Variants in ATRNL1 observed in about 807,000 individuals in gnomAD.
ATRNL1 encodes attractin-like protein 1.
A neutral mutation model predicts 182.7 loss-of-function variants in ATRNL1; 95 were observed. That is an observed-to-expected ratio of 0.52 (90% confidence interval 0.44 to 0.62). The LOEUF (loss-of-function observed/expected upper bound fraction) is 0.62, where lower values mean the gene tolerates loss of function less well. Ranked by LOEUF, ATRNL1 falls within the 20% of genes least tolerant of loss-of-function variation. The pLI is 0.00. For synonymous variants in ATRNL1, 576 were observed against 568.3 expected, an observed-to-expected ratio of 1.01 and a Z score of -0.19; for missense variants, 1,471 against 1,679.5, an observed-to-expected ratio of 0.88 and a Z score of 2.17.
intron 26 of ATRNL1, among the ~76,000 whole-genome samples, chr10:115,670,109 T>C (rs1555040938): frequency 5.3e-5 from 8 of 152,114 alleles, no homozygotes; most frequent in Non-Finnish European, 1.2e-4. Flanking sequence ...ATCTGTTTCT[T>C]ACTTGCTTTT....
intron 27 of ATRNL1, among the ~76,000 whole-genome samples, chr10:115,828,794 G>T (rs77603688): frequency 1.3e-5 from 2 of 152,094 alleles, no homozygotes; most frequent in African/African-American, 4.8e-5. Context: ...TAGTCTGTGC[G>T]AGTAGTGAAA....
intron 26 of ATRNL1, among the ~76,000 whole-genome samples, chr10:115,700,001 G>A (rs1946681273): frequency 6.6e-6 from 1 of 152,126 alleles, no homozygotes; most frequent in African/African-American, 2.4e-5. Context: ...CATCCATGTT[G>A]CTGCAAAGGA....
At chr10:115,521,667 A>T (rs1370496952) in intron 25 of ATRNL1, among the ~76,000 whole-genome samples, 1 of 152,200 alleles carries the variant, frequency 6.6e-6, no homozygotes, top group Non-Finnish European at 1.5e-5. Context: ...CTTAGAGATG[A>T]TCCTATTTAT....
chr10:115,561,206 A>G (rs782270326), intron 26 of ATRNL1, among the ~76,000 whole-genome samples: 3 of 152,146 alleles, frequency 2.0e-5, no homozygotes, highest in African/African-American at 7.2e-5. Context: ...TGAAAATACA[A>G]CCTCCAGAAT....
intron 27 of ATRNL1, among the ~76,000 whole-genome samples, chr10:115,789,005 A>G (rs2134206721): frequency 6.6e-6 from 1 of 152,340 alleles, no homozygotes; most frequent in East Asian, 1.9e-4. Context: ...GTGTTATCAC[A>G]CACGTTATAA....
rs551186071 is a variant in ATRNL1, at chr10:115,484,429, A to G, written c.3654+15100A>G. Among the ~76,000 whole-genome samples the G allele has an allele frequency of 3.3e-5, 5 of 151,788 alleles. No individual in the cohort carries two copies. The East Asian group carries it at 9.7e-4, about 29-fold the overall frequency. ...TATATATCAAATGCAGTGGCAGAATATTTAATTTATCTTAAATAAATTAAA... is the reference window on the plus strand; with the variant it reads ...TATATATCAAATGCAGTGGCAGAATGTTTAATTTATCTTAAATAAATTAAA... On this transcript the variant is annotated intron_variant, in intron 24 of 28. Transcript: ENST00000355044.
chr10:115,396,650 T>A (rs1057385832), intron 20 of ATRNL1, among the ~76,000 whole-genome samples: 3 of 151,942 alleles, frequency 2.0e-5, no homozygotes, highest in Admixed American at 6.6e-5. Flanking sequence ...GTGGCAGTAT[T>A]ACAGATAAAA....
intron 26 of ATRNL1, among the ~76,000 whole-genome samples, chr10:115,569,288 C>G (rs1411610213): frequency 6.6e-6 from 1 of 152,056 alleles, no homozygotes; most frequent in African/African-American, 2.4e-5. Flanking sequence ...TATAAACAGA[C>G]TCTTGATGTT....
intron 26 of ATRNL1, among the ~76,000 whole-genome samples, chr10:115,682,798 T>G (rs1183328012): frequency 6.6e-6 from 1 of 152,080 alleles, no homozygotes; most frequent in Non-Finnish European, 1.5e-5. Context: ...TGCTAGCTCT[T>G]AGAAGCTGTA....
chr10:115,722,384 T>C (rs1947456850), intron 26 of ATRNL1, among the ~76,000 whole-genome samples: 1 of 152,162 alleles, frequency 6.6e-6, no homozygotes, highest in African/African-American at 2.4e-5. Flanking sequence ...AGATTTCCAA[T>C]ATTTTTCTGA....
rs572551308 is a variant in ATRNL1 at position 115,876,024 on chromosome 10, G to A, written c.4018+28033G>A. Among the ~76,000 whole-genome samples, 3 of 152,314 alleles carry A rather than the reference G, an allele frequency of 2.0e-5. No individual in the cohort carries two copies. In the South Asian group the frequency reaches 6.2e-4, roughly 32 times the overall value. ...TCAAATACTGGGAATCTTGAAGTCG[G>A]AAGTAGGTATTTGGTTTAAGCTTTG... On this transcript the variant is annotated intron_variant, in intron 28 of 28. Coordinates refer to ENST00000355044, the MANE Select transcript of ATRNL1 (RefSeq NM_207303.4).
At chr10:115,241,783 A>G (rs781840638) in intron 10 of ATRNL1, 58 bp downstream of exon 10, 10 of 1,404,236 alleles carry the variant, frequency 7.1e-6, no homozygotes, top group Non-Finnish European at 9.9e-6. Context: ...CCATATAGAT[A>G]TTCTCAAATA....
At chr10:115,420,616 C>A (rs1436810656) in intron 20 of ATRNL1, among the ~76,000 whole-genome samples, 1 of 151,868 alleles carries the variant, frequency 6.6e-6, no homozygotes, top group Admixed American at 6.6e-5. Context: ...AGAAATATCT[C>A]AAATAAACAG....
At chr10:115,277,224 CAT>C (rs1852145399) in intron 13 of ATRNL1, among the ~76,000 whole-genome samples, 1 of 151,830 alleles carries the variant, frequency 6.6e-6, no homozygotes, top group Non-Finnish European at 1.5e-5. Flanking sequence ...TTGAAAAAGT[CAT>C]AAAATGATTT....
chr10:115,880,405 C>T (rs1951799904), intron 28 of ATRNL1, among the ~76,000 whole-genome samples: 1 of 152,188 alleles, frequency 6.6e-6, no homozygotes. Flanking sequence ...AGGTGGATCA[C>T]CTGGGGTCAG....
chr10:115,549,057 A>G (rs1554994709), intron 25 of ATRNL1, among the ~76,000 whole-genome samples: 1 of 152,166 alleles, frequency 6.6e-6, no homozygotes, highest in African/African-American at 2.4e-5. Flanking sequence ...ATATGTTCAT[A>G]TATAAAATAG....
intron 8 of ATRNL1, among the ~76,000 whole-genome samples, chr10:115,196,363 C>A (rs531388803): frequency 6.6e-6 from 1 of 151,984 alleles, no homozygotes; most frequent in Non-Finnish European, 1.5e-5. Flanking sequence ...CTAAATCTGG[C>A]GGTGTAAGTC....
At chr10:115,304,451 C>T (rs575613102) in intron 17 of ATRNL1, among the ~76,000 whole-genome samples, 6 of 152,168 alleles carry the variant, frequency 3.9e-5, no homozygotes, top group South Asian at 2.1e-4. Context: ...TTAAACAATA[C>T]GGACACACGT....
At chr10:115,634,944 GA>G (rs1380435757) in intron 26 of ATRNL1, among the ~76,000 whole-genome samples, 4 of 150,686 alleles carry the variant, frequency 2.7e-5, no homozygotes, top group African/African-American at 7.3e-5. Context: ...TAGAGAGTTT[GA>G]AAAAAAATTA....
Sources: gnomAD v4.1 joint callset for allele counts (sites outside exome capture counted in the v4.1 genomes callset) on GRCh38, gnomAD v4.1.1 for gene constraint, MANE v1.5 for transcripts, NCBI Gene and HGNC (gene_info 2026-07-23, HGNC 2026-07-21) for gene names.